Variants in NKAIN2 observed in about 807,000 individuals in gnomAD.
NKAIN2 encodes sodium/potassium transporting ATPase interacting 2.
In NKAIN2, 14 loss-of-function variants were observed where a neutral mutation model predicts 32.6. The observed-to-expected ratio is 0.43, with a 90% confidence interval of 0.28 to 0.67. The LOEUF (loss-of-function observed/expected upper bound fraction) is 0.67, where lower values mean the gene tolerates loss of function less well. NKAIN2 is among the 30% of genes least tolerant of loss of function. NKAIN2 has a pLI of 0.17. For missense variants in NKAIN2, 198 were observed against 258.3 expected (o/e 0.77, Z 1.60); for synonymous variants, 80 against 87.2 (o/e 0.92, Z 0.46).
At chr6:124,757,422 T>C (rs1010138942) in intron 4 of NKAIN2, among the ~76,000 whole-genome samples, 3 of 152,156 alleles carry the variant, frequency 2.0e-5, no homozygotes, top group Non-Finnish European at 4.4e-5. Context: ...TTCCCAAATT[T>C]ACTAGATGTG....
intron 3 of NKAIN2, among the ~76,000 whole-genome samples, chr6:124,588,031 T>C (rs1562271422): frequency 6.6e-6 from 1 of 152,184 alleles, no homozygotes; most frequent in African/African-American, 2.4e-5. Context: ...AATGAGCATG[T>C]TCCACTGCTT....
chr6:124,227,763 G>A (rs1792198957), intron 1 of NKAIN2, among the ~76,000 whole-genome samples: 1 of 152,142 alleles, frequency 6.6e-6, no homozygotes, highest in South Asian at 2.1e-4. Context: ...GCTTACAGAA[G>A]GTAATGCCTC....
intron 3 of NKAIN2, among the ~76,000 whole-genome samples, chr6:124,437,493 TC>T (rs1218789247): frequency 6.6e-6 from 1 of 152,194 alleles, no homozygotes; most frequent in Admixed American, 6.6e-5. Flanking sequence ...TTCCCTTCCT[TC>T]CTTCCTTTCT....
intron 4 of NKAIN2, among the ~76,000 whole-genome samples, chr6:124,673,997 T>C (rs1773233815): frequency 1.3e-5 from 2 of 151,996 alleles, no homozygotes; most frequent in South Asian, 4.1e-4. Context: ...TTCTAGGAGT[T>C]TTACAGCTTC....
chr6:124,381,654 C>T (rs1235406855), intron 3 of NKAIN2, among the ~76,000 whole-genome samples: 1 of 152,072 alleles, frequency 6.6e-6, no homozygotes, highest in African/African-American at 2.4e-5. Flanking sequence ...AATATCTTCT[C>T]GTCTACAGTT....
intron 2 of NKAIN2, among the ~76,000 whole-genome samples, chr6:124,284,640 A>C (rs1795458219): frequency 6.6e-6 from 1 of 152,086 alleles, no homozygotes; most frequent in African/African-American, 2.4e-5. Flanking sequence ...GATGTGACCC[A>C]AAATATTTGA....
chr6:124,013,625 G>A (rs1780436573), intron 1 of NKAIN2, among the ~76,000 whole-genome samples: 4 of 152,090 alleles, frequency 2.6e-5, no homozygotes, highest in South Asian at 2.1e-4. Context: ...AGATGTCTAC[G>A]ACCTAATCCC....
intron 4 of NKAIN2, among the ~76,000 whole-genome samples, chr6:124,664,432 A>G (rs1187456658): frequency 4.6e-5 from 7 of 152,254 alleles, no homozygotes; most frequent in East Asian, 1.9e-4. Flanking sequence ...ACAATGCCTT[A>G]TGGACATGGG....
At chr6:123,858,483 A>AG (rs1775650941) in intron 1 of NKAIN2, among the ~76,000 whole-genome samples, 1 of 152,220 alleles carries the variant, frequency 6.6e-6, no homozygotes, top group Admixed American at 6.5e-5. Flanking sequence ...GAGACTATAT[A>AG]GGGGAAAAAT....
intron 3 of NKAIN2, among the ~76,000 whole-genome samples, chr6:124,402,105 C>T (rs986848435): frequency 8.5e-5 from 13 of 152,188 alleles, no homozygotes; most frequent in East Asian, 7.7e-4. Context: ...ACTAACATTT[C>T]GTGTGTAGAG....
chr6:123,918,605 T>C (rs1244066505), intron 1 of NKAIN2, among the ~76,000 whole-genome samples: 1 of 152,150 alleles, frequency 6.6e-6, no homozygotes, highest in Non-Finnish European at 1.5e-5. Flanking sequence ...TCTAGATATT[T>C]CTGTTAAGGT....
At chr6:123,862,402 C>G (rs974679456) in intron 1 of NKAIN2, among the ~76,000 whole-genome samples, 1 of 152,150 alleles carries the variant, frequency 6.6e-6, no homozygotes, top group Admixed American at 6.5e-5. Context: ...TTTATCACAG[C>G]TTACATGGAC....
intron 1 of NKAIN2, among the ~76,000 whole-genome samples, chr6:124,141,547 T>C (rs1787139683): frequency 6.6e-6 from 1 of 152,042 alleles, no homozygotes; most frequent in Admixed American, 6.6e-5. Flanking sequence ...ATTCAATCAA[T>C]TTAGGATTAA....
At position 124,042,705 on chromosome 6, in the gene NKAIN2, G is replaced by A. The variant is rs139264485; in HGVS notation, c.54+238451G>A. 4.8e-3 allele frequency among the ~76,000 whole-genome samples: 737 copies of A among 152,160 alleles called. 4 individuals carry two copies. Among genetic ancestry groups the A allele is most frequent in the African/African-American group, 0.017 (699 of 41,536 alleles). The stretch of plus-strand genomic sequence containing the variant: ...ACACCAAATGAATGCATGGTATAGA[G>A]CTAGTTAACAGGAATAAATAGTATG... On this transcript the variant is annotated intron_variant, in intron 1 of 6. Transcript: ENST00000368417.
At chr6:124,072,374 G>A (rs573409443) in intron 1 of NKAIN2, among the ~76,000 whole-genome samples, 1 of 152,056 alleles carries the variant, frequency 6.6e-6, no homozygotes, top group Non-Finnish European at 1.5e-5. Flanking sequence ...CCCACTACCT[G>A]CATAAGAGAT....
At chr6:124,373,171 C>A (rs1799839916) in intron 3 of NKAIN2, among the ~76,000 whole-genome samples, 1 of 152,036 alleles carries the variant, frequency 6.6e-6, no homozygotes. Flanking sequence ...AAGATTACAT[C>A]TAGTTATATT....
chr6:124,020,387 A>G (rs576834917), intron 1 of NKAIN2, among the ~76,000 whole-genome samples: 4 of 152,228 alleles, frequency 2.6e-5, no homozygotes, highest in African/African-American at 9.6e-5. Context: ...TATGCAGTTT[A>G]TCCTAAAATG....
At chr6:124,569,646 G>GTAAGAAGTA (rs1459560461) in intron 3 of NKAIN2, among the ~76,000 whole-genome samples, 1 of 152,130 alleles carries the variant, frequency 6.6e-6, no homozygotes, top group Non-Finnish European at 1.5e-5. Context: ...TTGCCACCAT[G>GTAAGAAGTA]TAAGAAGTAC....
chr6:124,104,806 G>T (rs1040263757), intron 1 of NKAIN2, among the ~76,000 whole-genome samples: 1 of 152,108 alleles, frequency 6.6e-6, no homozygotes, highest in East Asian at 1.9e-4. Flanking sequence ...TAATAGCCAC[G>T]GGAGGTCACT....
Sources: gnomAD v4.1 joint callset for allele counts (sites outside exome capture counted in the v4.1 genomes callset) on GRCh38, gnomAD v4.1.1 for gene constraint, MANE v1.5 for transcripts, NCBI Gene and HGNC (gene_info 2026-07-23, HGNC 2026-07-21) for gene names.